The following HSD17B12 variants were observed in gnomAD, a reference collection of about 807,000 sequenced individuals.
The protein encoded by HSD17B12 is hydroxysteroid 17-beta dehydrogenase 12.
HSD17B12 carries 32 observed loss-of-function variants against 39.3 expected under a neutral mutation model. The observed-to-expected ratio is 0.81, with a 90% CI of 0.61 to 1.09. The LOEUF (loss-of-function observed/expected upper bound fraction) is 1.09, where lower values mean the gene tolerates loss of function less well. Ranked by LOEUF, HSD17B12 falls within the 50% of genes least tolerant of loss-of-function variation. HSD17B12 has a pLI of 0.00. For synonymous variants in HSD17B12, 150 were observed against 146.7 expected, an observed-to-expected ratio of 1.02 and a Z score of -0.16; for missense variants, 342 against 382.9, an observed-to-expected ratio of 0.89 and a Z score of 0.89.
At chr11:43,568,201 G>A in the HSD17B12 span, among the ~76,000 whole-genome samples, 4 of 152,094 alleles carry the variant, frequency 2.6e-5, no homozygotes, top group African/African-American at 9.7e-5. Flanking sequence ...CTGGTTTCAA[G>A]CAATCTTCCC....
the HSD17B12 span, among the ~76,000 whole-genome samples, chr11:43,587,062 A>G: frequency 6.6e-6 from 1 of 152,234 alleles, no homozygotes. Context: ...AAAAGAGCAA[A>G]TTCTATCTAG....
the HSD17B12 span, among the ~76,000 whole-genome samples, chr11:43,622,465 T>A: frequency 5.3e-5 from 8 of 152,060 alleles, no homozygotes; most frequent in Admixed American, 2.6e-4. Flanking sequence ...TAAAATAAAT[T>A]TTTTACTTAA....
chr11:43,807,171 C>T (rs1342163248), intron 4 of HSD17B12, among the ~76,000 whole-genome samples: 3 of 152,086 alleles, frequency 2.0e-5, no homozygotes, highest in Non-Finnish European at 2.9e-5. Context: ...AGAGCTATAA[C>T]AGTAGACAAA....
intron 3 of HSD17B12, among the ~76,000 whole-genome samples, chr11:43,765,927 G>A (rs1017896212): frequency 9.2e-5 from 14 of 152,062 alleles, no homozygotes; most frequent in East Asian, 3.9e-4. Context: ...TCTGCCTCCC[G>A]GGTTCACGCC....
chr11:43,670,997 CAA>C, the HSD17B12 span, among the ~76,000 whole-genome samples: 1 of 151,946 alleles, frequency 6.6e-6, no homozygotes, highest in African/African-American at 2.4e-5. Context: ...GTAAAGATAA[CAA>C]ATCCTTGGAC....
At position 43,752,704 on chromosome 11, in the gene HSD17B12, A is replaced by C. The variant is rs369602092; in HGVS notation, c.208-1342A>C. ...ACTCCAGCCTGGGTGACAGAGCAAG[A>C]CTCTGTCTCAAAAAAAAAAATAAGT... is the stretch of plus-strand genomic sequence containing the variant. On this transcript the variant is annotated intron_variant, in intron 2 of 10. Transcript: ENST00000278353. 9.7e-4 allele frequency among the ~76,000 whole-genome samples: 147 copies of C among 151,722 alleles called. 1 individual carries two copies. In the Middle Eastern group the frequency reaches 0.017, roughly 18 times the overall value.
At chr11:43,679,076 G>A (rs542114939), upstream of HSD17B12, among the ~76,000 whole-genome samples, 18 of 152,286 alleles carry the variant, frequency 1.2e-4, no homozygotes, top group East Asian at 3.9e-4. Flanking sequence ...AGCATGGAAC[G>A]TTCTTCCATT....
At chr11:43,646,677 T>C in the HSD17B12 span, among the ~76,000 whole-genome samples, 3 of 152,216 alleles carry the variant, frequency 2.0e-5, no homozygotes, top group Non-Finnish European at 2.9e-5. Context: ...GGTAAACTCA[T>C]CTCTGCATTT....
the HSD17B12 span, among the ~76,000 whole-genome samples, chr11:43,560,025 G>T: frequency 6.6e-6 from 1 of 152,044 alleles, no homozygotes; most frequent in Non-Finnish European, 1.5e-5. Context: ...CGTCATGGTG[G>T]TTTTTTATTT....
chr11:43,757,327 A>G (rs937195125), intron 3 of HSD17B12, among the ~76,000 whole-genome samples: 1 of 152,172 alleles, frequency 6.6e-6, no homozygotes, highest in African/African-American at 2.4e-5. Context: ...ACTTAAGTGC[A>G]GGAGACAGTA....
At chr11:43,768,825 CTGCTGATTGGTCCATTTTACAGAG>C (rs1243928567) in intron 3 of HSD17B12, among the ~76,000 whole-genome samples, 3,138 of 152,306 alleles carry the variant, frequency 0.021, 90 homozygotes, top group African/African-American at 0.057. Context: ...CGCCCATGTC[CTGCTGATTGGTCCATTTTACAGAG>C]TGCTGATTGG....
chr11:43,763,919 T>A (rs1054325754), intron 3 of HSD17B12, among the ~76,000 whole-genome samples: 14 of 152,166 alleles, frequency 9.2e-5, no homozygotes, highest in African/African-American at 3.1e-4. Context: ...CAGAGCAACA[T>A]GATCATTGTT....
intron 3 of HSD17B12, among the ~76,000 whole-genome samples, chr11:43,766,138 A>AC (rs1950593415): frequency 6.6e-6 from 1 of 152,252 alleles, no homozygotes; most frequent in African/African-American, 2.4e-5. Context: ...CCTTTTCTTA[A>AC]CGTGCTCACT....
intron 3 of HSD17B12, among the ~76,000 whole-genome samples, chr11:43,773,538 C>T (rs1950669680): frequency 6.6e-6 from 1 of 152,150 alleles, no homozygotes; most frequent in Non-Finnish European, 1.5e-5. Flanking sequence ...TGTACCTGGC[C>T]TAAAATCGAC....
At chr11:43,803,603 T>A (rs918125791) in intron 4 of HSD17B12, among the ~76,000 whole-genome samples, 1 of 152,182 alleles carries the variant, frequency 6.6e-6, no homozygotes, top group African/African-American at 2.4e-5. Flanking sequence ...AATTAATATT[T>A]TCAGAATTAC....
intron 1 of HSD17B12, among the ~76,000 whole-genome samples, chr11:43,743,979 TGA>T (rs1385206710): frequency 6.6e-6 from 1 of 151,358 alleles, no homozygotes; most frequent in Non-Finnish European, 1.5e-5. Context: ...AGAAGGAGAG[TGA>T]GAGTGTGCAA....
At chr11:43,619,164 G>GATATATATATATATATGAT in the HSD17B12 span, among the ~76,000 whole-genome samples, 1 of 61,948 alleles carries the variant, frequency 1.6e-5, no homozygotes, top group African/African-American at 4.5e-5. Flanking sequence ...GTATATATAT[G>GATATATATATATATATGAT]ATATATATAT....
chr11:43,590,281 C>T, the HSD17B12 span, among the ~76,000 whole-genome samples: 1 of 151,638 alleles, frequency 6.6e-6, no homozygotes, highest in Non-Finnish European at 1.5e-5. Context: ...GGGGAACTCG[C>T]TCAAGGGTTC....
intron 1 of HSD17B12, among the ~76,000 whole-genome samples, chr11:43,700,122 C>T (rs12277307): frequency 6.6e-6 from 1 of 151,920 alleles, no homozygotes; most frequent in South Asian, 2.1e-4. Flanking sequence ...GGGGAGGAGC[C>T]TGAGTTCCCT....
Sources: allele counts gnomAD v4.1 joint callset (sites outside exome capture counted in the v4.1 genomes callset), GRCh38; gene constraint gnomAD v4.1.1; transcripts MANE v1.5; gene names NCBI Gene and HGNC (gene_info 2026-07-23, HGNC 2026-07-21).